The following JAKMIP1 variants were observed in gnomAD, a reference collection of about 807,000 sequenced individuals.
JAKMIP1 encodes janus kinase and microtubule interacting protein 1, also known as janus kinase and microtubule-interacting protein 1.
JAKMIP1 carries 33 observed loss-of-function variants against 113.0 expected under a neutral mutation model. That is an observed-to-expected ratio of 0.29 (90% CI 0.22 to 0.39). JAKMIP1 has a LOEUF of 0.39. Ranked by LOEUF, JAKMIP1 falls within the 10% of genes least tolerant of loss-of-function variation. The probability of loss-of-function intolerance (pLI) is 1.00; values close to 1 mark genes in which losing one functional copy is unlikely to be tolerated. For missense variants in JAKMIP1, 813 were observed against 1,080.5 expected (o/e 0.75, Z 3.47); for synonymous variants, 480 against 459.9 (o/e 1.04, Z -0.56).
At position 6,093,820 on chromosome 4, in the gene JAKMIP1, G is replaced by A. The variant is rs115527839; in HGVS notation, c.625-8191C>T. Reference sequence around the variant, plus strand: ...AGGTTTGCCCGTGGTAGGAGTCGGTGGGGAACAAGTCCTGGCCCAGTGCCT... The same window carrying A: ...AGGTTTGCCCGTGGTAGGAGTCGGTAGGGAACAAGTCCTGGCCCAGTGCCT... On this transcript the variant is annotated intron_variant, in intron 3 of 20. Coordinates refer to ENST00000409021, the MANE Select transcript of JAKMIP1 (RefSeq NM_001099433.2). The surrounding 1 kb of genome is among the most constrained non-coding windows in gnomAD (Gnocchi z 4.6). 0.036 allele frequency among the ~76,000 whole-genome samples: 5,526 copies of A among 152,238 alleles called. 151 individuals carry two copies. Among genetic ancestry groups the A allele is most frequent in the African/African-American group, 0.071 (2,955 of 41,534 alleles).
chr4:6,105,687 C>T lies in JAKMIP1; in HGVS notation c.410G>A (p.Arg137His), dbSNP rs1713807194. The part of the protein sequence containing the change: ...KVKTALLTEA[R>H]EEARRAFDGE... ...ATCGAAGGCCCTGCGCGCCTCCTCG[C>T]GCGCCTCGGTCAGCAGCGCCGTCTT... Residue 137 changes from arginine (R) to histidine (H), a missense_variant, in exon 3 of 21, where the codon CGC becomes CAC. Physicochemically the swap from Arg to His is conservative, Grantham distance 29. Transcript: ENST00000409021. 8 of 1,603,038 alleles carry T rather than the reference C, an allele frequency of 5.0e-6. No individual in the cohort carries two copies. The highest frequency in any genetic ancestry group is 1.3e-5 in the African/African-American group (1 of 74,822).
chr4:6,124,037 G>A (rs1188068983), intron 1 of JAKMIP1, among the ~76,000 whole-genome samples: 1 of 152,232 alleles, frequency 6.6e-6, no homozygotes, highest in Non-Finnish European at 1.5e-5. Context: ...TGGGCTTGGA[G>A]GTGAGGTGCC....
intron 3 of JAKMIP1, among the ~76,000 whole-genome samples, chr4:6,102,509 C>G (rs1164778100): frequency 6.6e-6 from 1 of 152,060 alleles, no homozygotes; most frequent in Non-Finnish European, 1.5e-5. Flanking sequence ...GTCTTAGAAG[C>G]AGAAACTGGA....
chr4:6,043,017 G>A (rs992979125), intron 16 of JAKMIP1, among the ~76,000 whole-genome samples: 3 of 151,956 alleles, frequency 2.0e-5, no homozygotes, highest in Admixed American at 6.5e-5. Context: ...GTGCCTCTAC[G>A]AGGAGCCCCT....
intron 1 of JAKMIP1, among the ~76,000 whole-genome samples, chr4:6,196,326 C>T (rs1250605491): frequency 6.6e-6 from 1 of 152,218 alleles, no homozygotes; most frequent in Non-Finnish European, 1.5e-5. Flanking sequence ...CAGCATGAGG[C>T]CCCCACAGCT....
At chr4:6,128,782 C>G (rs1175527038) in intron 1 of JAKMIP1, among the ~76,000 whole-genome samples, 1 of 152,192 alleles carries the variant, frequency 6.6e-6, no homozygotes, top group Non-Finnish European at 1.5e-5. Context: ...TTCAGGGTCT[C>G]CCTGACCCTC....
chr4:6,126,225 C>T (rs1447675932), intron 1 of JAKMIP1, among the ~76,000 whole-genome samples: 7 of 149,486 alleles, frequency 4.7e-5, no homozygotes, highest in East Asian at 4.1e-4. Flanking sequence ...CGGAAACACA[C>T]ACACGCAAAC....
At position 6,093,928 on chromosome 4, in the gene JAKMIP1, T is replaced by G. The variant is rs890575288; in HGVS notation, c.625-8299A>C. 6.6e-6 allele frequency among the ~76,000 whole-genome samples: 1 copy of G among 152,180 alleles called. No individual in the cohort carries two copies. Among genetic ancestry groups the G allele is most frequent in the South Asian group, 2.1e-4 (1 of 4,806 alleles). The stretch of plus-strand genomic sequence containing the variant: ...CCTGCCCAGGAGGCTGCAAGTTCCC[T>G]CTTTTCTGCCACCCTGGCTCGGCTG... On this transcript the variant is annotated intron_variant, in intron 3 of 20. Coordinates refer to ENST00000409021, the MANE Select transcript of JAKMIP1 (RefSeq NM_001099433.2). The surrounding 1 kb of genome is among the most constrained non-coding windows in gnomAD (Gnocchi z 4.6).
rs571996169 is a variant in JAKMIP1 at position 6,168,378 on chromosome 4, G to C, written c.-148+31875C>G. Among the ~76,000 whole-genome samples, 3 of 152,254 alleles carry C rather than the reference G, an allele frequency of 2.0e-5. No individual in the cohort carries two copies. The highest frequency in any genetic ancestry group is 1.3e-4 in the Admixed American group (2 of 15,294). On this transcript the variant is annotated intron_variant, in intron 1 of 20. Coordinates refer to ENST00000409021, the MANE Select transcript of JAKMIP1 (RefSeq NM_001099433.2). This position sits in a 1 kb window ranked among gnomAD's most constrained non-coding sequence, Gnocchi z 4.6. ...GCACGATTCCTAACACCCAACATGT[G>C]AACACAACCCAAATGTGCATCAGTT...
chr4:6,083,816 A>G (rs4689334), intron 5 of JAKMIP1, among the ~76,000 whole-genome samples: 70,722 of 151,960 alleles, frequency 0.47, 17,670 homozygotes, highest in East Asian at 0.7. Flanking sequence ...CTGCCATTAC[A>G]TAAAAATTAG....
intron 12 of JAKMIP1, 71 bp from the exon 13 acceptor site, chr4:6,054,219 G>A (rs1466975138): frequency 6.8e-7 from 1 of 1,469,542 alleles, no homozygotes; most frequent in Non-Finnish European, 9.5e-7. Context: ...CAGGCCACCT[G>A]ACTGAGTGGC....
intron 3 of JAKMIP1, among the ~76,000 whole-genome samples, chr4:6,103,000 CTT>C (rs1289107995): frequency 6.6e-6 from 1 of 151,844 alleles, no homozygotes; most frequent in East Asian, 1.9e-4. Context: ...CCCAATGAAA[CTT>C]TTATTTATTT....
At chr4:6,110,756 C>T (rs966820726) in intron 2 of JAKMIP1, among the ~76,000 whole-genome samples, 5 of 150,420 alleles carry the variant, frequency 3.3e-5, no homozygotes, top group African/African-American at 1.2e-4. Flanking sequence ...GGTTACACAG[C>T]TTATAAGACC....
chr4:6,056,868 C>A, intron 11 of JAKMIP1, 109 bp from the exon 12 acceptor site: 100 of 711,820 alleles, frequency 1.4e-4, no homozygotes, highest in Middle Eastern at 5.1e-4. Flanking sequence ...ATGGAAAGGT[C>A]ATAAAAAATG....
intron 20 of JAKMIP1, among the ~76,000 whole-genome samples, chr4:6,029,307 C>G (rs554025783): frequency 1.3e-4 from 20 of 152,308 alleles, no homozygotes; most frequent in African/African-American, 4.6e-4. Flanking sequence ...CAGGAACATG[C>G]GACTGGTCTG....
At chr4:6,118,796 G>A (rs1020473948) in intron 1 of JAKMIP1, among the ~76,000 whole-genome samples, 4 of 152,120 alleles carry the variant, frequency 2.6e-5, no homozygotes, top group African/African-American at 4.8e-5. Flanking sequence ...GGGCTGAGGC[G>A]GGCTGAATCG....
At position 6,092,420 on chromosome 4, in the gene JAKMIP1, C is replaced by A. The variant is rs1722185742; in HGVS notation, c.625-6791G>T. The stretch of plus-strand genomic sequence containing the variant: ...ATGCCCAGAGGAAACTGGAGCACCA[C>A]CCACCTGCAGCCGCAGGCTCCCCTC... On this transcript the variant is annotated intron_variant, in intron 3 of 20. Transcript: ENST00000409021. Among the ~76,000 whole-genome samples, 4 of 152,362 alleles carry A rather than the reference C, an allele frequency of 2.6e-5. No individual in the cohort carries two copies. In the South Asian group the frequency reaches 8.3e-4, roughly 32 times the overall value.
chr4:6,173,880 A>C (rs1460488988), intron 1 of JAKMIP1, among the ~76,000 whole-genome samples: 1 of 152,186 alleles, frequency 6.6e-6, no homozygotes, highest in East Asian at 1.9e-4. Flanking sequence ...GTTTGAGACC[A>C]GCCTGGCGAA....
At position 6,181,925 on chromosome 4, in the gene JAKMIP1, C is replaced by T. The variant is rs887467558; in HGVS notation, c.-148+18328G>A. ...TGGCCTTGGGAGGATGGGTGATGCC[C>T]AAGGAGATGAGCCTGTGCAGACAGG... On this transcript the variant is annotated intron_variant, in intron 1 of 20. Transcript: ENST00000409021. This position sits in a 1 kb window ranked among gnomAD's most constrained non-coding sequence, Gnocchi z 5.4. Among the ~76,000 whole-genome samples the T allele has an allele frequency of 2.6e-5, 4 of 151,930 alleles. No homozygotes were observed. Among genetic ancestry groups the T allele is most frequent in the African/African-American group, 7.3e-5 (3 of 41,340 alleles).
Sources: gnomAD v4.1 joint callset for allele counts (sites outside exome capture counted in the v4.1 genomes callset) on GRCh38, gnomAD v4.1.1 for gene constraint, Gnocchi (gnomAD v3.1) non-coding constraint, MANE v1.5 for transcripts, NCBI Gene and HGNC (gene_info 2026-07-23, HGNC 2026-07-21) for gene names.